SDCCAG8: variants seen among roughly 807,000 people sequenced by gnomAD.
SDCCAG8 encodes SHH signaling and ciliogenesis regulator SDCCAG8, also known as serologically defined colon cancer antigen 8.
A neutral mutation model predicts 101.8 loss-of-function variants in SDCCAG8; 74 were observed. The observed-to-expected ratio is 0.73, with a 90% CI of 0.60 to 0.88. SDCCAG8 has a LOEUF of 0.88. SDCCAG8 is among the 40% of genes least tolerant of loss of function. The pLI, the probability that SDCCAG8 is intolerant of heterozygous loss-of-function variation, is 0.00. For synonymous variants in SDCCAG8, 281 were observed against 292.9 expected, an observed-to-expected ratio of 0.96 and a Z score of 0.41; for missense variants, 787 against 822.6, an observed-to-expected ratio of 0.96 and a Z score of 0.53.
At position 243,426,494 on chromosome 1, in the gene SDCCAG8, A is replaced by C. The variant is rs534333658; in HGVS notation, c.1921A>C (p.Arg641=). 6.2e-7 allele frequency: 1 copy of C among 1,614,024 alleles called. No homozygotes were observed. The highest frequency in any genetic ancestry group is 1.1e-5 in the South Asian group (1 of 91,082). The part of the protein sequence containing the change: ...TYDKLGKLQR[R]NEELEEQCVQ... Reference sequence around the variant, plus strand: ...TGATAAATTGGGAAAGTTACAGAGAAGAAATGAAGAATTGGAGGAACAGTG... The same window carrying C: ...TGATAAATTGGGAAAGTTACAGAGACGAAATGAAGAATTGGAGGAACAGTG... Residue 641 remains arginine, a synonymous_variant, in exon 16 of 18, where the codon AGA becomes CGA. Coordinates refer to ENST00000366541, the MANE Select transcript of SDCCAG8 (RefSeq NM_006642.5).
chr1:243,307,860 A>G, intron 7 of SDCCAG8, 129 bp from the exon 8 acceptor site: 1 of 1,532,692 alleles, frequency 6.5e-7, no homozygotes, highest in Non-Finnish European at 8.7e-7. Context: ...TTAATAAGGT[A>G]TTGGACGTAA....
At chr1:243,431,301 G>A (rs372162333) in intron 16 of SDCCAG8, among the ~76,000 whole-genome samples, 1 of 152,186 alleles carries the variant, frequency 6.6e-6, no homozygotes. Context: ...ATAAACACTG[G>A]CGAAATGTGT....
At chr1:243,258,956 T>G (rs2066976659) in intron 1 of SDCCAG8, among the ~76,000 whole-genome samples, 1 of 142,786 alleles carries the variant, frequency 7.0e-6, no homozygotes, top group Non-Finnish European at 1.6e-5. Flanking sequence ...ACAGTCTTGG[T>G]CTTTCCTCAC....
At chr1:243,447,078 CCT>C (rs1472263272) in intron 16 of SDCCAG8, among the ~76,000 whole-genome samples, 1 of 151,836 alleles carries the variant, frequency 6.6e-6, no homozygotes, top group Non-Finnish European at 1.5e-5. Flanking sequence ...ATGGCGAACC[CCT>C]GTCTCTACTA....
At chr1:243,322,874 C>A (rs1453701346) in intron 9 of SDCCAG8, among the ~76,000 whole-genome samples, 2 of 151,886 alleles carry the variant, frequency 1.3e-5, no homozygotes, top group African/African-American at 4.8e-5. Context: ...CAGTGGCTCA[C>A]GCCTGTAATC....
chr1:243,489,366 G>A (rs1287344280), intron 17 of SDCCAG8, among the ~76,000 whole-genome samples: 1 of 152,218 alleles, frequency 6.6e-6, no homozygotes, highest in Admixed American at 6.5e-5. Flanking sequence ...ACAGACCCCG[G>A]CCCGCGAATC....
intron 13 of SDCCAG8, 51 bp downstream of exon 13, chr1:243,378,914 T>C: frequency 6.2e-7 from 1 of 1,611,714 alleles, no homozygotes; most frequent in Non-Finnish European, 8.5e-7. Context: ...TTCCACTGAT[T>C]TTTGCCACAG....
At chr1:243,295,596 T>C (rs1051009966) in intron 6 of SDCCAG8, among the ~76,000 whole-genome samples, 3 of 152,212 alleles carry the variant, frequency 2.0e-5, no homozygotes, top group African/African-American at 7.2e-5. Context: ...ACTCACCAGT[T>C]GCTGCTTCAT....
At chr1:243,411,182 T>A (rs980692483) in intron 13 of SDCCAG8, among the ~76,000 whole-genome samples, 38 of 152,156 alleles carry the variant, frequency 2.5e-4, no homozygotes, top group Non-Finnish European at 1.5e-4. Context: ...GGTGTAGTTA[T>A]GGCTCACTGT....
At chr1:243,392,092 G>A (rs2078739717) in intron 13 of SDCCAG8, among the ~76,000 whole-genome samples, 1 of 152,174 alleles carries the variant, frequency 6.6e-6, no homozygotes, top group Non-Finnish European at 1.5e-5. Context: ...GACCTTAACT[G>A]TGATTTTATG....
Position 243,498,452 on chromosome 1 carries a change from G to A in SDCCAG8, c.2113-1304G>A, listed in dbSNP as rs551046348. On this transcript the variant is annotated intron_variant, in intron 17 of 17. Transcript: ENST00000366541. ...TGTGTGCATGGGATGGCAGGTTTACGAGGAGGAGTGAGGCCTCCTGCCGGA... is the reference window on the plus strand; with the variant it reads ...TGTGTGCATGGGATGGCAGGTTTACAAGGAGGAGTGAGGCCTCCTGCCGGA... Among the ~76,000 whole-genome samples the A allele has an allele frequency of 7.9e-5, 12 of 152,238 alleles. 1 individual carries two copies. Among genetic ancestry groups the A allele is most frequent in the East Asian group, 5.8e-4 (3 of 5,172 alleles).
intron 6 of SDCCAG8, among the ~76,000 whole-genome samples, chr1:243,300,975 A>C (rs2149309190): frequency 6.6e-6 from 1 of 152,320 alleles, no homozygotes; most frequent in African/African-American, 2.4e-5. Context: ...AAAATTAAGA[A>C]AGAGGTATGT....
intron 10 of SDCCAG8, among the ~76,000 whole-genome samples, chr1:243,331,435 T>G (rs959279620): frequency 1.3e-5 from 2 of 152,188 alleles, no homozygotes; most frequent in African/African-American, 2.4e-5. Context: ...ATTCAATGTG[T>G]GATAATTAAC....
chr1:243,293,087 T>G lies in SDCCAG8; in HGVS notation c.547-4T>G, dbSNP rs12080579. 133 of 1,614,148 alleles carry G rather than the reference T, an allele frequency of 8.2e-5. No homozygotes were observed. The African/African-American group carries it at 1.4e-3, about 17-fold the overall frequency. ...GTTGCAGTTACTGGCACATTTTATT[T>G]TAGGGAAACATGCACAATTCTTGGA... On this transcript the variant is annotated splice_polypyrimidine_tract_variant and splice_region_variant and intron_variant, in intron 5 of 17. Coordinates refer to ENST00000366541, the MANE Select transcript of SDCCAG8 (RefSeq NM_006642.5).
chr1:243,441,635 C>A (rs1251752507), intron 16 of SDCCAG8, among the ~76,000 whole-genome samples: 2 of 151,978 alleles, frequency 1.3e-5, no homozygotes, highest in Non-Finnish European at 2.9e-5. Context: ...GAATTTTAAT[C>A]AAAAATCTAG....
intron 16 of SDCCAG8, among the ~76,000 whole-genome samples, chr1:243,460,795 C>A (rs960366748): frequency 6.6e-6 from 1 of 152,144 alleles, no homozygotes; most frequent in Non-Finnish European, 1.5e-5. Flanking sequence ...GTTTGTTGCA[C>A]CCCTGACGGC....
At chr1:243,410,875 A>C (rs61242771) in intron 13 of SDCCAG8, among the ~76,000 whole-genome samples, 4,573 of 152,290 alleles carry the variant, frequency 0.03, 147 homozygotes, top group African/African-American at 0.077. Context: ...CATTTTTAGA[A>C]AATGCAATCA....
intron 16 of SDCCAG8, among the ~76,000 whole-genome samples, chr1:243,471,789 A>G (rs1315283824): frequency 1.3e-5 from 2 of 152,204 alleles, no homozygotes; most frequent in African/African-American, 4.8e-5. Context: ...ATTAAAAAAA[A>G]TTATTCTAAT....
At chr1:243,313,627 C>T (rs568420363) in intron 8 of SDCCAG8, among the ~76,000 whole-genome samples, 40 of 152,330 alleles carry the variant, frequency 2.6e-4, no homozygotes, top group African/African-American at 8.9e-4. Flanking sequence ...TTACATTCAT[C>T]AACACATTCA....
Sources: allele counts gnomAD v4.1 joint callset (sites outside exome capture counted in the v4.1 genomes callset), GRCh38; gene constraint gnomAD v4.1.1; transcripts MANE v1.5; gene names NCBI Gene and HGNC (gene_info 2026-07-23, HGNC 2026-07-21).